Variants in BBS4 observed in about 807,000 individuals in gnomAD.
BBS4 encodes the protein BBSome complex member BBS4.
A neutral mutation model predicts 71.4 loss-of-function variants in BBS4; 58 were observed. That is an observed-to-expected ratio of 0.81 (90% CI 0.66 to 1.01). The LOEUF (loss-of-function observed/expected upper bound fraction) is 1.01. Among genes scored for constraint, BBS4 ranks in the 50% least tolerant of loss-of-function variants. The pLI is 0.00. For synonymous variants in BBS4, 228 were observed against 216.8 expected, an observed-to-expected ratio of 1.05 and a Z score of -0.46; for missense variants, 660 against 607.9, an observed-to-expected ratio of 1.09 and a Z score of -0.90.
At chr15:72,706,084 A>G (rs1276525272) in intron 2 of BBS4, among the ~76,000 whole-genome samples, 1 of 152,054 alleles carries the variant, frequency 6.6e-6, no homozygotes, top group Non-Finnish European at 1.5e-5. Flanking sequence ...TGGGTCATGC[A>G]GTTGAGACTT....
At chr15:72,705,601 T>TTTC (rs1567407318) in intron 2 of BBS4, among the ~76,000 whole-genome samples, 1 of 143,182 alleles carries the variant, frequency 7.0e-6, no homozygotes, top group Non-Finnish European at 1.5e-5. Flanking sequence ...TTTTTTTTTT[T>TTTC]TTTTTTTTTG....
rs1278967079 is a variant in BBS4 at position 72,735,190 on chromosome 15, CT to C, written c.1106+11del. On this transcript the variant is annotated intron_variant, in intron 13 of 15. Transcript: ENST00000268057. ...AGCAGTCCACCTGGATAAGTATGCA[CT>C]TTGTTGAGAATGGTACTGGCGGGGG... is the stretch of plus-strand genomic sequence containing the variant. 1 of 1,611,014 alleles carries C rather than the reference CT, an allele frequency of 6.2e-7. No homozygotes were observed. Among genetic ancestry groups the C allele is most frequent in the South Asian group, 1.1e-5 (1 of 90,996 alleles).
intron 2 of BBS4, among the ~76,000 whole-genome samples, chr15:72,697,718 G>T (rs1306794101): frequency 6.6e-6 from 1 of 152,190 alleles, no homozygotes. Context: ...TTTTGACTGA[G>T]AATGGATGTT....
chr15:72,730,959 C>T (rs1212125339), intron 10 of BBS4, among the ~76,000 whole-genome samples: 1 of 148,656 alleles, frequency 6.7e-6, no homozygotes, highest in African/African-American at 2.5e-5. Flanking sequence ...CTGCAGAGAA[C>T]AGATTAAAGG....
In BBS4 at chr15:72,686,263, G is replaced by A; in HGVS notation, c.24+12G>A. On this transcript the variant is annotated intron_variant, in intron 1 of 15. Transcript: ENST00000268057. Reference sequence around the variant, plus strand: ...AGAGAGTCGCGACGGTGAGCGCCGAGATTCTCTTTAGTTGCCCGGCCGCAG... The same window carrying A: ...AGAGAGTCGCGACGGTGAGCGCCGAAATTCTCTTTAGTTGCCCGGCCGCAG... 6.4e-7 allele frequency: 1 copy of A among 1,564,572 alleles called. No homozygotes were observed. Among genetic ancestry groups the A allele is most frequent in the Non-Finnish European group, 8.7e-7 (1 of 1,155,134 alleles).
chr15:72,738,173 A>G lies in BBS4; in HGVS notation c.*586A>G, dbSNP rs750306698. On this transcript the variant is annotated 3_prime_UTR_variant, in exon 16 of 16. Coordinates refer to ENST00000268057, the MANE Select transcript of BBS4 (RefSeq NM_033028.5). ...CTGCATTTGCCCAAAGGGAATCCAG[A>G]ACAAGTCCCTCCCTGTATTTTGTTC... is the stretch of plus-strand genomic sequence containing the variant. 7.1e-5 allele frequency: 32 copies of G among 451,230 alleles called. No homozygotes were observed. Among genetic ancestry groups the G allele is most frequent in the South Asian group, 5.0e-4 (32 of 64,002 alleles). The allele number at this position is 451,230 out of a possible 1,614,324, so 28.0% of individuals were successfully genotyped here.
At chr15:72,728,781 C>G (rs1282471596) in intron 9 of BBS4, among the ~76,000 whole-genome samples, 1 of 152,168 alleles carries the variant, frequency 6.6e-6, no homozygotes, top group East Asian at 1.9e-4. Context: ...TGGCTGAGGA[C>G]CCAGGGCCCA....
chr15:72,686,646 C>T, intron 1 of BBS4: 1 of 1,064,778 alleles, frequency 9.4e-7, no homozygotes, highest in Non-Finnish European at 1.3e-6. Context: ...TGCAGCGTCA[C>T]TGCCTTCTGC....
intron 7 of BBS4, 40 bp from the exon 8 acceptor site, chr15:72,724,488 G>A (rs1411948248): frequency 5.0e-6 from 8 of 1,611,960 alleles, no homozygotes. Context: ...TTCGTTCAGT[G>A]GTAGTGATTT....
chr15:72,700,025 C>T (rs922209597), intron 2 of BBS4, among the ~76,000 whole-genome samples: 2 of 152,088 alleles, frequency 1.3e-5, no homozygotes, highest in East Asian at 1.9e-4. Flanking sequence ...CTGTAACCTC[C>T]GCCTCCTGGG....
chr15:72,721,434 C>A (rs909399778), intron 6 of BBS4, among the ~76,000 whole-genome samples: 1 of 151,598 alleles, frequency 6.6e-6, no homozygotes, highest in South Asian at 2.1e-4. Flanking sequence ...TCTGCACTTA[C>A]GTATGATTGA....
chr15:72,729,592 TG>T, intron 9 of BBS4, 23 bp from the exon 10 acceptor site: 1 of 1,612,608 alleles, frequency 6.2e-7, no homozygotes. Context: ...TGATGTAAAT[TG>T]TCTTGTTTGC....
intron 1 of BBS4, among the ~76,000 whole-genome samples, chr15:72,689,040 A>G (rs151092951): frequency 0.026 from 3,953 of 152,250 alleles, 52 homozygotes; most frequent in Non-Finnish European, 0.036. Flanking sequence ...AAAAAAAAAA[A>G]AGAGAATGTT....
At chr15:72,712,178 A>G in intron 3 of BBS4, 66 bp from the exon 4 acceptor site, 2 of 1,489,502 alleles carry the variant, frequency 1.3e-6, no homozygotes, top group African/African-American at 1.4e-5. Context: ...GTCCATGTCC[A>G]CTTTTTCTTA....
chr15:72,730,897 C>T (rs2151046214), intron 10 of BBS4, among the ~76,000 whole-genome samples: 1 of 152,100 alleles, frequency 6.6e-6, no homozygotes, highest in Middle Eastern at 3.4e-3. Flanking sequence ...CTTAAGTAGC[C>T]ACGTACAGGT....
chr15:72,737,057 A>C, intron 15 of BBS4, 94 bp downstream of exon 15: 4 of 1,428,946 alleles, frequency 2.8e-6, no homozygotes, highest in Non-Finnish European at 3.9e-6. Flanking sequence ...TTCTCTTCAG[A>C]CTCATATGTC....
intron 2 of BBS4, 109 bp downstream of exon 2, chr15:72,695,337 G>C: frequency 5.6e-6 from 4 of 713,250 alleles, no homozygotes; most frequent in South Asian, 5.5e-5. Context: ...ACCCAGGCTG[G>C]AGTGCAGTAG....
At chr15:72,691,525 ATATAT>A (rs1396559622) in intron 1 of BBS4, among the ~76,000 whole-genome samples, 1 of 152,114 alleles carries the variant, frequency 6.6e-6, no homozygotes, top group Non-Finnish European at 1.5e-5. Context: ...TATATCCTTA[ATATAT>A]TAGTTTTTAA....
intron 12 of BBS4, among the ~76,000 whole-genome samples, chr15:72,732,250 A>G (rs1431385844): frequency 6.6e-6 from 1 of 152,232 alleles, no homozygotes; most frequent in Non-Finnish European, 1.5e-5. Context: ...ATTGGCCCCT[A>G]GGTGATACTT....
Sources: allele counts gnomAD v4.1 joint callset (sites outside exome capture counted in the v4.1 genomes callset), GRCh38; gene constraint gnomAD v4.1.1; transcripts MANE v1.5; gene names NCBI Gene and HGNC (gene_info 2026-07-23, HGNC 2026-07-21).